ZNF418: variants seen among roughly 807,000 people sequenced by gnomAD.
ZNF418 encodes the protein zinc finger protein 418.
In ZNF418, 32 loss-of-function variants were observed where a neutral mutation model predicts 32.0. The observed-to-expected ratio is 1.00, with a 90% CI of 0.75 to 1.34. ZNF418 has a LOEUF of 1.34. Among genes scored for constraint, ZNF418 ranks in the 40% most tolerant of loss-of-function variants. The pLI, the probability that ZNF418 is intolerant of heterozygous loss-of-function variation, is 0.00. For missense variants in ZNF418, 804 were observed against 812.5 expected (o/e 0.99, Z 0.13); for synonymous variants, 276 against 270.7 (o/e 1.02, Z -0.19).
chr19:57,933,488 C>T (rs778758644), intron 2 of ZNF418, among the ~76,000 whole-genome samples: 1 of 152,168 alleles, frequency 6.6e-6, no homozygotes, highest in Non-Finnish European at 1.5e-5. Context: ...TTTGGGAGGC[C>T]GAGGCCGATG....
chr19:57,934,158 C>T (rs1038866332), intron 1 of ZNF418: 4 of 1,267,174 alleles, frequency 3.2e-6, no homozygotes, highest in Non-Finnish European at 4.0e-6. Flanking sequence ...CCCAGGACAT[C>T]ACAAGCTAGA....
At chr19:57,924,097 C>T (rs1038839004) in intron 4 of ZNF418, among the ~76,000 whole-genome samples, 2 of 150,946 alleles carry the variant, frequency 1.3e-5, no homozygotes, top group Non-Finnish European at 2.9e-5. Context: ...ACTATGATCT[C>T]GCCACTGTAC....
chr19:57,935,276 CTCT>C lies in ZNF418; in HGVS notation c.-199_-197del. ...ATCTGCCTCTGTGCAGCAAGAAGGA[CTCT>C]TCACCTTCTGGGTTCAGACACCGCG... On this transcript the variant is annotated 5_prime_UTR_variant, in exon 1 of 6. Coordinates refer to ENST00000396147, the MANE Select transcript of ZNF418 (RefSeq NM_133460.3). The C allele has an allele frequency of 9.1e-7, 1 of 1,094,212 alleles. No individual in the cohort carries two copies. Among genetic ancestry groups the C allele is most frequent in the African/African-American group, 1.7e-5 (1 of 59,940 alleles). 67.8% of individuals were successfully genotyped at this position (1,094,212 alleles called of 1,614,324 possible). A position where few individuals can be genotyped will look rare whatever the true frequency, so the allele number is the denominator to read the frequency against.
chr19:57,928,430 G>A (rs1002737071), intron 3 of ZNF418, among the ~76,000 whole-genome samples: 1 of 152,004 alleles, frequency 6.6e-6, no homozygotes, highest in Non-Finnish European at 1.5e-5. Flanking sequence ...AGGCCAATAC[G>A]CCCAGCTACT....
chr19:57,930,904 G>A (rs547470307), intron 2 of ZNF418, among the ~76,000 whole-genome samples: 3 of 152,198 alleles, frequency 2.0e-5, no homozygotes, highest in East Asian at 3.9e-4. Context: ...AGCCGCCCGA[G>A]TAGCTGGGAT....
intron 3 of ZNF418, 63 bp from the exon 4 acceptor site, chr19:57,928,110 C>A (rs895240558): frequency 1.5e-6 from 2 of 1,369,882 alleles, no homozygotes; most frequent in Non-Finnish European, 2.0e-6. Context: ...AGCCCACCCA[C>A]AAGCGTGTCT....
At position 57,926,071 on chromosome 19, in the gene ZNF418, A is replaced by C; in HGVS notation, c.*79T>G. On this transcript the variant is annotated 3_prime_UTR_variant, in exon 4 of 6. Transcript: ENST00000396147. ...AGAATATCCCACGTTTGTCACACTC[A>C]TAAGGTCCTGATCCAGTAAGAACCC... 8.0e-7 allele frequency: 1 copy of C among 1,249,062 alleles called. No homozygotes were observed. Among genetic ancestry groups the C allele is most frequent in the Non-Finnish European group, 1.1e-6 (1 of 891,080 alleles). 77.4% of individuals were successfully genotyped at this position (1,249,062 alleles called of 1,614,324 possible).
chr19:57,927,818 A>G lies in ZNF418; in HGVS notation c.363T>C (p.Asp121=). 6.2e-7 allele frequency: 1 copy of G among 1,614,116 alleles called. No homozygotes were observed. The highest frequency in any genetic ancestry group is 8.5e-7 in the Non-Finnish European group (1 of 1,180,016). ...GATTCTGGTGCGGACGGTTTGAACT[A>G]TCATACAATTTATTCCCCCATGCCT... ...RCEAWGNKLY[D]SSNRPHQNQY... is the part of the protein sequence containing the mutation. Residue 121 remains aspartate, a synonymous_variant, in exon 4 of 6, where the codon GAT becomes GAC. Transcript: ENST00000396147.
At chr19:57,923,580 A>G (rs1026894683) in intron 4 of ZNF418, among the ~76,000 whole-genome samples, 2 of 151,436 alleles carry the variant, frequency 1.3e-5, no homozygotes, top group Non-Finnish European at 2.9e-5. Flanking sequence ...ATACACATAT[A>G]TATATATTTT....
At position 57,922,557 on chromosome 19, in the gene ZNF418, G is replaced by A; in HGVS notation, c.*698C>T. ...AATCAGTTCATATTTATAATCTTGG[G>A]CTGGAGGCAAATGCATACAGTTTAC... On this transcript the variant is annotated 3_prime_UTR_variant, in exon 6 of 6. Coordinates refer to ENST00000396147, the MANE Select transcript of ZNF418 (RefSeq NM_133460.3). 2.5e-6 allele frequency: 1 copy of A among 398,494 alleles called. No homozygotes were observed. The highest frequency in any genetic ancestry group is 4.4e-6 in the Non-Finnish European group (1 of 226,058). 24.7% of individuals were successfully genotyped at this position (398,494 alleles called of 1,614,324 possible).
chr19:57,926,220 T>C lies in ZNF418; in HGVS notation c.1961A>G (p.Lys654Arg). ...GAGAGAAGAGCTTCGATGAAATGAT[T>C]TTCCACATTCACTGCACTCATAAGG... ...ERPYECSECG[K>R]SFHRSSSLLR... The change falls in exon 4 of 6, where the codon AAA becomes AGA. Residue 654 changes from lysine (K) to arginine (R), a missense_variant. Lys to Arg is a conservative substitution (Grantham distance 26, BLOSUM62 2). Transcript: ENST00000396147. 3 of 1,614,120 alleles carry C rather than the reference T, an allele frequency of 1.9e-6. No individual in the cohort carries two copies. Among genetic ancestry groups the C allele is most frequent in the Non-Finnish European group, 2.5e-6 (3 of 1,179,964 alleles).
At chr19:57,934,210 A>C in intron 1 of ZNF418, 1 of 1,115,670 alleles carries the variant, frequency 9.0e-7, no homozygotes, top group Non-Finnish European at 1.1e-6. Flanking sequence ...GGAATGGAAC[A>C]CCCTCTAATT....
intron 3 of ZNF418, among the ~76,000 whole-genome samples, chr19:57,928,980 A>G (rs540491513): frequency 1.3e-4 from 20 of 148,214 alleles, no homozygotes; most frequent in African/African-American, 5.1e-4. Flanking sequence ...GGCGACAAAG[A>G]GAGACTCCAT....
rs2072581101 is a variant in ZNF418, at chr19:57,933,828, CAGG to C, written c.-9_-7del. 5 of 1,614,002 alleles carry C rather than the reference CAGG, an allele frequency of 3.1e-6. No homozygotes were observed. The African/African-American group carries it at 6.7e-5, about 22-fold the overall frequency. On this transcript the variant is annotated 5_prime_UTR_variant, in exon 2 of 6. Coordinates refer to ENST00000396147, the MANE Select transcript of ZNF418 (RefSeq NM_133460.3). ...CCAGTAACCCTCACCTGCATTATGGCAGGAGTTTAAACTCTGATCCTCCTTCCT... is the reference window on the plus strand; with the variant it reads ...CCAGTAACCCTCACCTGCATTATGGCAGTTTAAACTCTGATCCTCCTTCCT...
chr19:57,931,545 G>A (rs1376048374), intron 2 of ZNF418, among the ~76,000 whole-genome samples: 2 of 152,106 alleles, frequency 1.3e-5, no homozygotes, highest in Non-Finnish European at 2.9e-5. Flanking sequence ...GTCACGGCCA[G>A]CCCAACATGA....
At chr19:57,932,190 A>G (rs2072515198) in intron 2 of ZNF418, among the ~76,000 whole-genome samples, 1 of 152,242 alleles carries the variant, frequency 6.6e-6, no homozygotes, top group African/African-American at 2.4e-5. Flanking sequence ...AACCCAGTAC[A>G]AAGTATAATA....
intron 1 of ZNF418, chr19:57,934,396 G>A (rs1404120605): frequency 2.7e-5 from 5 of 187,590 alleles, no homozygotes; most frequent in African/African-American, 1.2e-4. Context: ...TTGTATTTTT[G>A]TTAGAGACGG....
chr19:57,935,282 A>T lies in ZNF418; in HGVS notation c.-202T>A. ...CTCTGTGCAGCAAGAAGGACTCTTCACCTTCTGGGTTCAGACACCGCGGTT... is the reference window on the plus strand; with the variant it reads ...CTCTGTGCAGCAAGAAGGACTCTTCTCCTTCTGGGTTCAGACACCGCGGTT... On this transcript the variant is annotated 5_prime_UTR_variant, in exon 1 of 6. Transcript: ENST00000396147. 9.3e-7 allele frequency: 1 copy of T among 1,075,172 alleles called. No individual in the cohort carries two copies. Among genetic ancestry groups the T allele is most frequent in the South Asian group, 2.6e-5 (1 of 39,160 alleles). 66.6% of individuals were successfully genotyped at this position (1,075,172 alleles called of 1,614,324 possible).
chr19:57,923,520 A>G (rs2072084430), intron 4 of ZNF418, among the ~76,000 whole-genome samples: 1 of 143,482 alleles, frequency 7.0e-6, no homozygotes, highest in Non-Finnish European at 1.5e-5. Flanking sequence ...ACATATATAC[A>G]TATATACATA....
Sources: gnomAD v4.1 joint callset for allele counts (sites outside exome capture counted in the v4.1 genomes callset) on GRCh38, gnomAD v4.1.1 for gene constraint, MANE v1.5 for transcripts, NCBI Gene and HGNC (gene_info 2026-07-23, HGNC 2026-07-21) for gene names.